CAPN9: variants seen among roughly 807,000 people sequenced by gnomAD.
CAPN9 encodes calpain-9.
CAPN9 carries 81 observed loss-of-function variants against 92.8 expected under a neutral mutation model. That is an observed-to-expected ratio of 0.87 (90% CI 0.73 to 1.05). The LOEUF is 1.05. Ranked by LOEUF, CAPN9 falls within the 50% of genes least tolerant of loss-of-function variation. CAPN9 has a pLI of 0.00. For missense variants in CAPN9, 848 were observed against 866.2 expected (o/e 0.98, Z 0.26); for synonymous variants, 304 against 328.0 (o/e 0.93, Z 0.79).
chr1:230,799,142 T>C (rs761845528), intron 19 of CAPN9, among the ~76,000 whole-genome samples: 5 of 152,192 alleles, frequency 3.3e-5, no homozygotes, highest in South Asian at 4.1e-4. Context: ...CCAATTTCCA[T>C]ACTCACAGTC....
At chr1:230,795,125 A>T (rs1229218276) in intron 17 of CAPN9, 38 bp from the exon 18 acceptor site, 1 of 1,342,088 alleles carries the variant, frequency 7.5e-7, no homozygotes, top group Middle Eastern at 2.4e-4. Context: ...CGGGGCTCGG[A>T]TACAGCGAGT....
intron 1 of CAPN9, chr1:230,752,758 C>T (rs1481728461): frequency 1.1e-6 from 1 of 938,436 alleles, no homozygotes; most frequent in Non-Finnish European, 1.3e-6. Context: ...CTTGCCAGGG[C>T]TATCCCCTGG....
intron 6 of CAPN9, among the ~76,000 whole-genome samples, chr1:230,771,267 T>C (rs1396065485): frequency 2.0e-5 from 3 of 152,220 alleles, no homozygotes; most frequent in Admixed American, 2.0e-4. Flanking sequence ...GCCAAATGCA[T>C]GAGGATAAAA....
intron 14 of CAPN9, among the ~76,000 whole-genome samples, chr1:230,790,813 T>G (rs1326686338): frequency 2.0e-5 from 3 of 152,076 alleles, no homozygotes; most frequent in Non-Finnish European, 4.4e-5. Context: ...CAGCCAGGTG[T>G]GGTTGTGGGC....
intron 2 of CAPN9, among the ~76,000 whole-genome samples, chr1:230,758,338 G>T (rs968377337): frequency 6.6e-6 from 1 of 152,086 alleles, no homozygotes; most frequent in East Asian, 1.9e-4. Context: ...GTGGCACAAG[G>T]TCTGCCACCC....
chr1:230,790,678 C>T (rs1183326480), intron 14 of CAPN9, among the ~76,000 whole-genome samples: 6 of 152,194 alleles, frequency 3.9e-5, no homozygotes, highest in Admixed American at 6.5e-5. Flanking sequence ...CGGTGGCTCA[C>T]GCCTGTAATC....
intron 12 of CAPN9, 107 bp downstream of exon 12, chr1:230,786,124 C>T: frequency 6.3e-7 from 1 of 1,599,274 alleles, no homozygotes; most frequent in Non-Finnish European, 8.5e-7. Flanking sequence ...GGGATGGTTA[C>T]ATGCAATCAA....
chr1:230,780,116 GT>G (rs1667106898), intron 9 of CAPN9, 62 bp from the exon 10 acceptor site: 4 of 853,758 alleles, frequency 4.7e-6, no homozygotes, highest in Non-Finnish European at 5.6e-6. Context: ...GTGTGTGTGT[GT>G]GTGTGGTCTT....
At chr1:230,781,136 T>C (rs1219669550) in intron 11 of CAPN9, among the ~76,000 whole-genome samples, 2 of 152,174 alleles carry the variant, frequency 1.3e-5, no homozygotes, top group Non-Finnish European at 2.9e-5. Flanking sequence ...CCCAAAGTGC[T>C]GGGATTACAG....
At chr1:230,800,235 A>AAAGAAAG (rs1248085998) in intron 19 of CAPN9, among the ~76,000 whole-genome samples, 1 of 35,848 alleles carries the variant, frequency 2.8e-5, no homozygotes, top group African/African-American at 1.2e-4. Context: ...AAGAAAGAAG[A>AAAGAAAG]AAGAAAGAAA....
intron 2 of CAPN9, among the ~76,000 whole-genome samples, chr1:230,756,487 T>C (rs1414375257): frequency 6.6e-6 from 1 of 152,134 alleles, no homozygotes; most frequent in Non-Finnish European, 1.5e-5. Flanking sequence ...TAGTAAATAA[T>C]GATAGGAAGG....
chr1:230,761,095 AG>A (rs1465556352), intron 3 of CAPN9, among the ~76,000 whole-genome samples: 3 of 152,086 alleles, frequency 2.0e-5, no homozygotes, highest in African/African-American at 7.2e-5. Context: ...AGAACTCAGG[AG>A]TTCTGGATCC....
In CAPN9 at chr1:230,767,662, C is replaced by G. The variant is rs147002278; in HGVS notation, c.658C>G (p.Leu220Val). 6.2e-7 allele frequency: 1 copy of G among 1,613,794 alleles called. No individual in the cohort carries two copies. The highest frequency in any genetic ancestry group is 8.5e-7 in the Non-Finnish European group (1 of 1,179,918). Residue 220 changes from leucine (L) to valine (V), a missense_variant, in exon 5 of 20, where the codon CTA (leucine) becomes GTA (valine). Transcript: ENST00000271971. ...GGCCCCCGAGAACTTCTATGAGATTCTAGAGAAGGCTTTGAAGAGAGGCTC... is the reference window on the plus strand; with the variant it reads ...GGCCCCCGAGAACTTCTATGAGATTGTAGAGAAGGCTTTGAAGAGAGGCTC... ...KEAPENFYEILEKALKRGSLL... is the reference protein window; with the variant it reads ...KEAPENFYEIVEKALKRGSLL...
Position 230,769,254 on chromosome 1 carries a change from A to C in CAPN9, c.780A>C (p.Gly260=), listed in dbSNP as rs1400925694. Residue 260 remains glycine, a synonymous_variant, in exon 6 of 20, where the codon GGA becomes GGC. Coordinates refer to ENST00000271971, the MANE Select transcript of CAPN9 (RefSeq NM_006615.3). ...LIKGHAYSVT[G]IDQVSFRGQR... ...AGGGTCATGCCTACAGTGTAACGGG[A>C]ATTGACCAGGTAGGCGACTTGAACT... The C allele has an allele frequency of 6.2e-7, 1 of 1,613,534 alleles. No homozygotes were observed. The highest frequency in any genetic ancestry group is 1.3e-5 in the African/African-American group (1 of 75,042).
chr1:230,782,564 T>G (rs1009943349), intron 11 of CAPN9, among the ~76,000 whole-genome samples: 1 of 152,182 alleles, frequency 6.6e-6, no homozygotes, highest in Admixed American at 6.5e-5. Flanking sequence ...ATATTACAAG[T>G]CCCCCTAAAT....
Position 230,772,226 on chromosome 1 carries a change from C to A in CAPN9, c.875+127C>A, listed in dbSNP as rs745338675. 6.0e-5 allele frequency: 45 copies of A among 751,806 alleles called. No homozygotes were observed. In the East Asian group the frequency reaches 1.1e-3, roughly 19 times the overall value. 46.6% of individuals were successfully genotyped at this position (751,806 alleles called of 1,614,324 possible). ...CGGGCTCTGACTCAGGATCCTGTCC[C>A]GATTCTGAGGTGCCCCTTCTTCCTC... On this transcript the variant is annotated intron_variant, in intron 7 of 19. Transcript: ENST00000271971.
intron 8 of CAPN9, among the ~76,000 whole-genome samples, chr1:230,777,489 T>C (rs757041796): frequency 3.6e-4 from 55 of 151,028 alleles, no homozygotes; most frequent in Non-Finnish European, 6.3e-4. Flanking sequence ...ACGTATGAAT[T>C]CCCCCCTTCT....
At chr1:230,788,598 T>C (rs375768506) in intron 13 of CAPN9, among the ~76,000 whole-genome samples, 1 of 152,142 alleles carries the variant, frequency 6.6e-6, no homozygotes, top group East Asian at 1.9e-4. Flanking sequence ...TGTCTGATGG[T>C]AGTATATTAG....
chr1:230,760,363 A>G (rs1049968896), intron 3 of CAPN9, among the ~76,000 whole-genome samples: 4 of 152,192 alleles, frequency 2.6e-5, no homozygotes, highest in South Asian at 2.1e-4. Context: ...GCTAAATGGC[A>G]TCACACACAG....
Sources: gnomAD v4.1 joint callset for allele counts (sites outside exome capture counted in the v4.1 genomes callset) on GRCh38, gnomAD v4.1.1 for gene constraint, MANE v1.5 for transcripts, NCBI Gene and HGNC (gene_info 2026-07-23, HGNC 2026-07-21) for gene names.